Variants in TICRR observed in about 807,000 individuals in gnomAD.
TICRR encodes treslin.
In TICRR, 132 loss-of-function variants were observed where a neutral mutation model predicts 178.1. The observed-to-expected ratio is 0.74, with a 90% CI of 0.64 to 0.86. The LOEUF (loss-of-function observed/expected upper bound fraction) is 0.86. Among genes scored for constraint, TICRR ranks in the 40% least tolerant of loss-of-function variants. The pLI, the probability that TICRR is intolerant of heterozygous loss-of-function variation, is 0.00. For synonymous variants in TICRR, 991 were observed against 900.7 expected, an observed-to-expected ratio of 1.10 and a Z score of -1.79; for missense variants, 2,587 against 2,334.3, an observed-to-expected ratio of 1.11 and a Z score of -2.23.
chr15:89,594,713 A>T (rs1199425945), intron 6 of TICRR, among the ~76,000 whole-genome samples, 159 bp downstream of exon 6: 2 of 152,244 alleles, frequency 1.3e-5, no homozygotes, highest in African/African-American at 2.4e-5. Context: ...TTCAATAGTG[A>T]TTTTTAAAAA....
intron 9 of TICRR, 28 bp from the exon 10 acceptor site, chr15:89,601,270 A>T: frequency 6.2e-7 from 1 of 1,604,232 alleles, no homozygotes; most frequent in Non-Finnish European, 8.5e-7. Context: ...TCCAAAGTAG[A>T]TATGACCAAG....
In TICRR at chr15:89,625,201, C is replaced by A; in HGVS notation, c.4891C>A (p.His1631Asn). Residue 1631 changes from histidine to asparagine, a missense_variant, in exon 20 of 22, where the codon CAC becomes AAC. Coordinates refer to ENST00000268138, the MANE Select transcript of TICRR (RefSeq NM_152259.4). ...YVSPPCPRLS[H>N]STPGKSRGQT... Reference sequence around the variant, plus strand: ...GTCACCCCCCTGCCCCCGCCTCTCCCACAGCACACCTGGCAAGAGCAGGGG... The same window carrying A: ...GTCACCCCCCTGCCCCCGCCTCTCCAACAGCACACCTGGCAAGAGCAGGGG... 1 of 1,613,778 alleles carries A rather than the reference C, an allele frequency of 6.2e-7. No individual in the cohort carries two copies. The highest frequency in any genetic ancestry group is 1.1e-5 in the South Asian group (1 of 91,060).
Position 89,624,674 on chromosome 15 carries a change from TG to T in TICRR, c.4365del (p.Leu1456SerfsTer23). 6.2e-7 allele frequency: 1 copy of T among 1,614,082 alleles called. No homozygotes were observed. The highest frequency in any genetic ancestry group is 8.5e-7 in the Non-Finnish European group (1 of 1,180,024). On this transcript the variant is annotated frameshift_variant, in exon 20 of 22. Transcript: ENST00000268138. LOFTEE classifies it high-confidence loss of function. Reference protein sequence around the residue: ...LRSDWHASSPLLITSDTEHVT... With the variant: ...LRSDWHASSPXLITSDTEHVT... ...AGTGATTGGCATGCATCCTCTCCTC[TG>T]CTCATTACAAGTGACACAGAGCATG... is the stretch of plus-strand genomic sequence containing the variant.
intron 21 of TICRR, among the ~76,000 whole-genome samples, chr15:89,626,281 C>T (rs1271595696): frequency 2.0e-5 from 3 of 152,210 alleles, no homozygotes; most frequent in African/African-American, 7.2e-5. Flanking sequence ...TAAAATTCCT[C>T]GGTCCTCCTG....
intron 19 of TICRR, among the ~76,000 whole-genome samples, chr15:89,623,377 A>G (rs557612760): frequency 4.5e-4 from 69 of 152,262 alleles, no homozygotes; most frequent in African/African-American, 1.6e-3. Context: ...AGCAATATGT[A>G]GATTATTAAA....
Position 89,576,179 on chromosome 15 carries a change from G to T in TICRR, c.593G>T (p.Arg198Leu), listed in dbSNP as rs1444422725. Residue 198 changes from arginine to leucine, a missense_variant, in exon 1 of 22, where the codon CGG becomes CTG. Transcript: ENST00000268138. ...GAGAAGTTGTTGCCCAAGAGAGTCC[G>T]GGAAGTCATGGTCGCCCGAAAAATC... Reference protein sequence around the residue: ...VMEKLLPKRVREVMVARKITF... With the variant: ...VMEKLLPKRVLEVMVARKITF... 6.9e-6 allele frequency: 11 copies of T among 1,600,834 alleles called. No homozygotes were observed. Among genetic ancestry groups the T allele is most frequent in the Non-Finnish European group, 6.8e-6 (8 of 1,179,288 alleles).
chr15:89,606,662 C>T (rs926222598), intron 13 of TICRR, 106 bp from the exon 14 acceptor site: 1 of 839,412 alleles, frequency 1.2e-6, no homozygotes, highest in Non-Finnish European at 2.0e-6. Context: ...TATTATGGAT[C>T]CCTATAAATG....
At position 89,601,923 on chromosome 15, in the gene TICRR, C is replaced by T; in HGVS notation, c.2514C>T (p.Ser838=). 1.2e-6 allele frequency: 2 copies of T among 1,614,076 alleles called. No homozygotes were observed. Among genetic ancestry groups the T allele is most frequent in the Non-Finnish European group, 1.7e-6 (2 of 1,179,970 alleles). Residue 838 remains serine, a synonymous_variant, in exon 12 of 22, where the codon AGC becomes AGT. Transcript: ENST00000268138. The part of the protein sequence containing the change: ...LSSARRSVSG[S]PESDELQELR... Reference sequence around the variant, plus strand: ...GTGCTCGTAGATCAGTGTCAGGCAGCCCTGAATCTGATGAACTGCAGGAAC... The same window carrying T: ...GTGCTCGTAGATCAGTGTCAGGCAGTCCTGAATCTGATGAACTGCAGGAAC...
intron 13 of TICRR, among the ~76,000 whole-genome samples, 185 bp downstream of exon 13, chr15:89,603,077 A>C (rs1281970586): frequency 6.6e-6 from 1 of 152,048 alleles, no homozygotes; most frequent in East Asian, 1.9e-4. Context: ...AATTTTACTC[A>C]AGAGTGTGAT....
intron 1 of TICRR, among the ~76,000 whole-genome samples, chr15:89,580,652 T>C (rs866138991): frequency 2.0e-5 from 3 of 152,254 alleles, no homozygotes; most frequent in Admixed American, 6.5e-5. Flanking sequence ...TGGGATCTTT[T>C]TTTTGTTTGT....
In TICRR at chr15:89,625,119, T is replaced by G. The variant is rs1963495453; in HGVS notation, c.4809T>G (p.Pro1603=). 1.2e-6 allele frequency: 2 copies of G among 1,613,972 alleles called. No individual in the cohort carries two copies. The highest frequency in any genetic ancestry group is 4.5e-5 in the East Asian group (2 of 44,860). The stretch of plus-strand genomic sequence containing the variant: ...CTCTGGGAGAAGAGAGCTTCCTCCC[T>G]GCTCTCAGCATGCCCAGGGCCAGCA... ...ESSLGEESFL[P]ALSMPRASRS... The change falls in exon 20 of 22, where the codon CCT becomes CCG. Residue 1603 remains proline, a synonymous_variant. Transcript: ENST00000268138.
In TICRR at chr15:89,618,216, T is replaced by C. The variant is rs1370834443; in HGVS notation, c.3019+6T>C. 2 of 1,613,556 alleles carry C rather than the reference T, an allele frequency of 1.2e-6. No homozygotes were observed. Among genetic ancestry groups the C allele is most frequent in the Non-Finnish European group, 1.7e-6 (2 of 1,179,622 alleles). On this transcript the variant is annotated splice_donor_region_variant and intron_variant, in intron 17 of 21. Coordinates refer to ENST00000268138, the MANE Select transcript of TICRR (RefSeq NM_152259.4). The stretch of plus-strand genomic sequence containing the variant: ...GTCCCCTGAAAAAGGAGATGGTGAG[T>C]GTTATCTCTTTTTGTTTTTAATGCA...
intron 8 of TICRR, 102 bp from the exon 9 acceptor site, chr15:89,600,483 G>T: frequency 2.1e-6 from 1 of 483,534 alleles, no homozygotes; most frequent in Non-Finnish European, 3.7e-6. Flanking sequence ...AAAGAATAGA[G>T]AAGTTTATAA....
intron 4 of TICRR, among the ~76,000 whole-genome samples, chr15:89,590,379 G>T (rs1178014253): frequency 6.6e-6 from 1 of 152,156 alleles, no homozygotes; most frequent in Non-Finnish European, 1.5e-5. Context: ...CTTACCAATT[G>T]TGTGTAGGCT....
chr15:89,600,529 A>G, intron 8 of TICRR, 56 bp from the exon 9 acceptor site: 1 of 777,690 alleles, frequency 1.3e-6, no homozygotes, highest in Non-Finnish European at 2.0e-6. Flanking sequence ...TGTGAAAGAA[A>G]TTAGAAATAA....
intron 3 of TICRR, among the ~76,000 whole-genome samples, chr15:89,584,992 A>C (rs893725): frequency 0.38 from 57,593 of 152,074 alleles, 10,988 homozygotes; most frequent in East Asian, 0.45. Flanking sequence ...ACAAATGTAG[A>C]AATGTCTTCT....
intron 4 of TICRR, among the ~76,000 whole-genome samples, chr15:89,586,675 A>AT (rs1429246458): frequency 1.3e-5 from 2 of 152,188 alleles, no homozygotes; most frequent in African/African-American, 4.8e-5. Flanking sequence ...AAAAAATGAT[A>AT]TTTGAGCAAA....
chr15:89,610,640 A>T (rs954147469), intron 15 of TICRR, among the ~76,000 whole-genome samples: 16 of 152,098 alleles, frequency 1.1e-4, no homozygotes, highest in Non-Finnish European at 7.4e-5. Context: ...ATGTTTTTTT[A>T]ATCCATTCTT....
chr15:89,625,479 C>A lies in TICRR; in HGVS notation c.5169C>A (p.His1723Gln). Residue 1723 changes from histidine (H) to glutamine (Q), a missense_variant, in exon 20 of 22, where the codon CAC (histidine) becomes CAA (glutamine). Physicochemically the swap from His to Gln is conservative, Grantham distance 24 (BLOSUM62 0). Transcript: ENST00000268138. ...TGCTTGAGTCAGAGGGCAAGGACCACGGCCTTGAACTCAGCATCCACAGGA... is the reference window on the plus strand; with the variant it reads ...TGCTTGAGTCAGAGGGCAAGGACCAAGGCCTTGAACTCAGCATCCACAGGA... ...LSLLESEGKD[H>Q]GLELSIHRTP... 2.5e-6 allele frequency: 4 copies of A among 1,613,910 alleles called. No homozygotes were observed. Among genetic ancestry groups the A allele is most frequent in the Non-Finnish European group, 2.5e-6 (3 of 1,179,990 alleles).
Sources: gnomAD v4.1 joint callset for allele counts (sites outside exome capture counted in the v4.1 genomes callset) on GRCh38, gnomAD v4.1.1 for gene constraint, MANE v1.5 for transcripts, NCBI Gene and HGNC (gene_info 2026-07-23, HGNC 2026-07-21) for gene names.